Variants in DEFB131A observed in about 807,000 individuals in gnomAD.
DEFB131A encodes the protein beta-defensin 131A.
In DEFB131A, 5 loss-of-function variants were observed where a neutral mutation model predicts 2.4. The observed-to-expected ratio is 2.12, with a 90% CI of 1.11 to 4.47. The LOEUF is 4.47. Ranked by LOEUF, DEFB131A falls within the 30% of genes most tolerant of loss-of-function variation. The probability of loss-of-function intolerance (pLI) is 0.00; values close to 1 mark genes in which losing one functional copy is unlikely to be tolerated. For missense variants in DEFB131A, 120 were observed against 79.9 expected (o/e 1.50, Z -1.91); for synonymous variants, 34 against 25.7 (o/e 1.32, Z -0.97).
chr4:9,449,585 T>C (rs1717598840), intron 1 of DEFB131A, among the ~76,000 whole-genome samples: 1 of 151,710 alleles, frequency 6.6e-6, no homozygotes, highest in Non-Finnish European at 1.5e-5. Context: ...CCTGAAACTG[T>C]AAAACTTATA....
intron 1 of DEFB131A, 147 bp from the exon 2 acceptor site, chr4:9,450,213 C>G (rs747754021): frequency 2.3e-5 from 22 of 937,176 alleles, no homozygotes; most frequent in Admixed American, 3.9e-5. Flanking sequence ...TTCAGCATCT[C>G]CACGTTTTCT....
At chr4:9,446,001 A>G (rs982728095) in intron 1 of DEFB131A, among the ~76,000 whole-genome samples, 2 of 152,074 alleles carry the variant, frequency 1.3e-5, no homozygotes, top group Non-Finnish European at 2.9e-5. Flanking sequence ...TTCGTACTTC[A>G]TTCCTTCATT....
At chr4:9,445,250 T>A (rs1311994417) in intron 1 of DEFB131A, among the ~76,000 whole-genome samples, 5 of 152,114 alleles carry the variant, frequency 3.3e-5, no homozygotes, top group African/African-American at 1.2e-4. Flanking sequence ...CCATAATCCT[T>A]GGTTCACAGG....
chr4:9,446,321 G>A (rs1367473110), intron 1 of DEFB131A, among the ~76,000 whole-genome samples: 3 of 151,688 alleles, frequency 2.0e-5, no homozygotes, highest in Admixed American at 2.0e-4. Flanking sequence ...ATGAATTTGG[G>A]AAAGTTAGAT....
chr4:9,449,680 G>T (rs556818718), intron 1 of DEFB131A, among the ~76,000 whole-genome samples: 2 of 152,078 alleles, frequency 1.3e-5, no homozygotes, highest in South Asian at 4.2e-4. Flanking sequence ...ATTTGGGAAG[G>T]ACTGGTAGGT....
At chr4:9,448,940 A>T (rs1269933092) in intron 1 of DEFB131A, among the ~76,000 whole-genome samples, 15 of 151,990 alleles carry the variant, frequency 9.9e-5, no homozygotes, top group South Asian at 6.2e-4. Flanking sequence ...TTTGTAAAAA[A>T]CTCTAAACTT....
At position 9,444,918 on chromosome 4, in the gene DEFB131A, A is replaced by C. The variant is rs879614092; in HGVS notation, c.58+327A>C. Among the ~76,000 whole-genome samples, 451 of 144,838 alleles carry C rather than the reference A, an allele frequency of 3.1e-3. 6 individuals are homozygous for C. Among genetic ancestry groups the C allele is most frequent in the Non-Finnish European group, 4.4e-3 (291 of 66,274 alleles). On this transcript the variant is annotated intron_variant, in intron 1 of 1. Coordinates refer to ENST00000334879, the MANE Select transcript of DEFB131A (RefSeq NM_001040448.3). ...GAAACCCCATCTCTCCAAAAAAAAAAAAAAAATACAAAAAATTAATCAGGT... is the reference window on the plus strand; with the variant it reads ...GAAACCCCATCTCTCCAAAAAAAAACAAAAAATACAAAAAATTAATCAGGT...
chr4:9,445,411 C>A (rs1717469771), intron 1 of DEFB131A, among the ~76,000 whole-genome samples: 1 of 152,016 alleles, frequency 6.6e-6, no homozygotes, highest in Admixed American at 6.6e-5. Flanking sequence ...ACATAACTAG[C>A]CAATTATATA....
chr4:9,450,488 G>A lies in DEFB131A; in HGVS notation c.187G>A (p.Glu63Lys), dbSNP rs1334210583. 6.2e-7 allele frequency: 1 copy of A among 1,610,038 alleles called. No homozygotes were observed. Among genetic ancestry groups the A allele is most frequent in the South Asian group, 1.1e-5 (1 of 90,404 alleles). Residue 63 changes from glutamate (E) to lysine (K), a missense_variant, in exon 2 of 2, where the codon GAA (glutamate) becomes AAA (lysine). Coordinates refer to ENST00000334879, the MANE Select transcript of DEFB131A (RefSeq NM_001040448.3). The stretch of plus-strand genomic sequence containing the variant: ...CATCTGCTGCAAACTGAAGATCATT[G>A]AAATTGACGGACAAAAGAAGTGGTG... ...FSICCKLKII[E>K]IDGQKKW
chr4:9,450,221 T>A (rs1717619663), intron 1 of DEFB131A, 139 bp from the exon 2 acceptor site: 3 of 1,023,934 alleles, frequency 2.9e-6, no homozygotes, highest in Non-Finnish European at 3.9e-6. Flanking sequence ...CTCCACGTTT[T>A]CTCTTGCATT....
intron 1 of DEFB131A, among the ~76,000 whole-genome samples, chr4:9,449,612 G>A (rs773044276): frequency 2.3e-4 from 35 of 151,730 alleles, no homozygotes; most frequent in Admixed American, 7.2e-4. Context: ...AACATAAGGA[G>A]AACCTTTCAT....
At chr4:9,445,361 T>A (rs1717468528) in intron 1 of DEFB131A, among the ~76,000 whole-genome samples, 1 of 152,088 alleles carries the variant, frequency 6.6e-6, no homozygotes, top group Admixed American at 6.6e-5. Context: ...AAATTACTTT[T>A]TGTATGGTGA....
intron 1 of DEFB131A, 152 bp from the exon 2 acceptor site, chr4:9,450,208 C>G: frequency 1.2e-6 from 1 of 855,460 alleles, no homozygotes; most frequent in Non-Finnish European, 1.6e-6. Flanking sequence ...CTTTATTCAG[C>G]ATCTCCACGT....
intron 1 of DEFB131A, among the ~76,000 whole-genome samples, chr4:9,447,383 C>A (rs1305110029): frequency 6.6e-6 from 1 of 152,040 alleles, no homozygotes; most frequent in African/African-American, 2.4e-5. Context: ...CACTTAAAGT[C>A]AATTTTGTCC....
chr4:9,448,610 C>G (rs761695779), intron 1 of DEFB131A, among the ~76,000 whole-genome samples: 2 of 152,152 alleles, frequency 1.3e-5, no homozygotes, highest in East Asian at 3.9e-4. Context: ...AGGTGCAGGC[C>G]ACCGCACCCA....
chr4:9,448,147 T>C (rs1364833522), intron 1 of DEFB131A, among the ~76,000 whole-genome samples: 1 of 140,102 alleles, frequency 7.1e-6, no homozygotes, highest in Admixed American at 7.6e-5. Context: ...GCATATTATA[T>C]TGAAACTGCC....
chr4:9,450,168 ACT>A (rs1168989232), intron 1 of DEFB131A, among the ~76,000 whole-genome samples, 190 bp from the exon 2 acceptor site: 1 of 151,818 alleles, frequency 6.6e-6, no homozygotes, highest in East Asian at 1.9e-4. Flanking sequence ...TCATTTATCT[ACT>A]CTCTTTATAG....
Position 9,444,529 on chromosome 4 carries a change from C to T in DEFB131A, c.-5C>T. The T allele has an allele frequency of 6.2e-7, 1 of 1,611,616 alleles. No homozygotes were observed. ...TTCTCTCTAACCTGCTTTACCTATTCAACCATGAGGGTCTTGTTTTTTGTC... is the reference window on the plus strand; with the variant it reads ...TTCTCTCTAACCTGCTTTACCTATTTAACCATGAGGGTCTTGTTTTTTGTC... On this transcript the variant is annotated 5_prime_UTR_variant, in exon 1 of 2. Transcript: ENST00000334879.
At chr4:9,448,021 A>C (rs1431138427) in intron 1 of DEFB131A, among the ~76,000 whole-genome samples, 1 of 152,144 alleles carries the variant, frequency 6.6e-6, no homozygotes, top group Non-Finnish European at 1.5e-5. Context: ...GGAACAGAAG[A>C]AATATTTGAA....
Sources: allele counts gnomAD v4.1 joint callset (sites outside exome capture counted in the v4.1 genomes callset), GRCh38; gene constraint gnomAD v4.1.1; transcripts MANE v1.5; gene names NCBI Gene and HGNC (gene_info 2026-07-23, HGNC 2026-07-21).